The following RABEP1 variants were observed in gnomAD, a reference collection of about 807,000 sequenced individuals.
RABEP1 encodes rab GTPase-binding effector protein 1.
Under a neutral mutation model 123.4 loss-of-function variants are expected in RABEP1, and 51 were observed. The ratio of observed to expected loss-of-function variants is 0.41; its 90% CI spans 0.33 to 0.52. The LOEUF (loss-of-function observed/expected upper bound fraction) is 0.52. Among genes scored for constraint, RABEP1 ranks in the 20% least tolerant of loss-of-function variants. RABEP1 has a pLI of 0.16. For synonymous variants in RABEP1, 347 were observed against 355.2 expected (o/e 0.98, Z 0.26); for missense variants, 888 against 996.3 (o/e 0.89, Z 1.46).
chr17:5,380,862 G>A (rs1437494285), intron 16 of RABEP1, among the ~76,000 whole-genome samples: 1 of 152,228 alleles, frequency 6.6e-6, no homozygotes, highest in Non-Finnish European at 1.5e-5. Flanking sequence ...TGTTGTGGGG[G>A]TAGTTTCCTA....
intron 11 of RABEP1, among the ~76,000 whole-genome samples, chr17:5,366,230 C>T (rs1472444076): frequency 2.0e-5 from 3 of 152,160 alleles, no homozygotes; most frequent in Admixed American, 6.5e-5. Flanking sequence ...TCTCTAATGA[C>T]CACTGAAGTT....
intron 1 of RABEP1, among the ~76,000 whole-genome samples, chr17:5,296,946 T>C (rs1308784468): frequency 6.6e-6 from 1 of 151,980 alleles, no homozygotes; most frequent in Non-Finnish European, 1.5e-5. Flanking sequence ...ACCATGTTGC[T>C]CAGACTGGTC....
At chr17:5,358,954 TTCTC>T (rs759047882) in intron 8 of RABEP1, among the ~76,000 whole-genome samples, 1 of 151,778 alleles carries the variant, frequency 6.6e-6, no homozygotes, top group African/African-American at 2.4e-5. Context: ...TAGAAAGGAG[TTCTC>T]TCTATGTTGC....
intron 1 of RABEP1, among the ~76,000 whole-genome samples, chr17:5,300,507 C>G (rs955628151): frequency 3.9e-5 from 6 of 152,132 alleles, no homozygotes; most frequent in African/African-American, 1.4e-4. Context: ...GTTTCTCTCT[C>G]TTTCTTGGGG....
intron 5 of RABEP1, among the ~76,000 whole-genome samples, chr17:5,342,572 C>T (rs1485210735): frequency 1.3e-5 from 2 of 152,206 alleles, no homozygotes; most frequent in Non-Finnish European, 1.5e-5. Flanking sequence ...TGCCACTGCA[C>T]TCCAGCCTGG....
chr17:5,359,409 C>T (rs1360207408), intron 8 of RABEP1, among the ~76,000 whole-genome samples: 1 of 152,156 alleles, frequency 6.6e-6, no homozygotes, highest in African/African-American at 2.4e-5. Flanking sequence ...CACAACTGTT[C>T]TATCCCTAGC....
At chr17:5,382,468 G>A (rs1196869899) in intron 17 of RABEP1, among the ~76,000 whole-genome samples, 1 of 151,500 alleles carries the variant, frequency 6.6e-6, no homozygotes, top group East Asian at 2.0e-4. Context: ...CCTAGTCTGG[G>A]CCAGGCATGG....
At position 5,340,808 on chromosome 17, in the gene RABEP1, C is replaced by T. The variant is rs1232043278; in HGVS notation, c.648+2670C>T. Among the ~76,000 whole-genome samples the T allele has an allele frequency of 4.6e-5, 7 of 151,512 alleles. No homozygotes were observed. The South Asian group carries it at 1.0e-3, about 23-fold the overall frequency. On this transcript the variant is annotated intron_variant, in intron 5 of 17. Coordinates refer to ENST00000537505, the MANE Select transcript of RABEP1 (RefSeq NM_004703.6). Reference sequence around the variant, plus strand: ...CTAAAAATGCAAAAAATTAGCTGGGCGTGGTGGCGGGCGCCTATAATCCCA... The same window carrying T: ...CTAAAAATGCAAAAAATTAGCTGGGTGTGGTGGCGGGCGCCTATAATCCCA...
Position 5,308,728 on chromosome 17 carries a change from A to C in RABEP1, c.69A>C (p.Lys23Asn). 1.9e-6 allele frequency: 3 copies of C among 1,612,756 alleles called. No individual in the cohort carries two copies. Among genetic ancestry groups the C allele is most frequent in the Non-Finnish European group, 2.5e-6 (3 of 1,179,546 alleles). ...AGCAACGGGTAGCAGAATTGGAAAA[A>C]ATTAATGCAGAATTTTTACGTGCAC... ...SLQQRVAELE[K>N]INAEFLRAQQ... is the part of the protein sequence containing the mutation. Residue 23 changes from lysine to asparagine, a missense_variant, in exon 2 of 18, where the codon AAA becomes AAC. By Grantham distance (94) the Lys-to-Asn change is moderately conservative (BLOSUM62 0). Coordinates refer to ENST00000537505, the MANE Select transcript of RABEP1 (RefSeq NM_004703.6).
At position 5,282,398 on chromosome 17, in the gene RABEP1, G is replaced by T; in HGVS notation, c.-89G>T. ...TCTGGGCGGCGGCGGCGGCGGCTCG[G>T]TTGACGCCTCCTCCGCCAGCTGAGC... On this transcript the variant is annotated 5_prime_UTR_variant, in exon 1 of 18. Coordinates refer to ENST00000537505, the MANE Select transcript of RABEP1 (RefSeq NM_004703.6). The T allele has an allele frequency of 9.1e-7, 1 of 1,103,402 alleles. No individual in the cohort carries two copies. The highest frequency in any genetic ancestry group is 1.2e-6 in the Non-Finnish European group (1 of 834,460). 68.4% of individuals were successfully genotyped at this position (1,103,402 alleles called of 1,614,324 possible).
rs527576737 is a variant in RABEP1, at chr17:5,284,527, G to A, written c.34+2007G>A. On this transcript the variant is annotated intron_variant, in intron 1 of 17. Transcript: ENST00000537505. Reference sequence around the variant, plus strand: ...GTTGCCCAGGCTGGAGAGCAGTGGCGCGATCTTGGCTCACTGCAGCCTCGA... The same window carrying A: ...GTTGCCCAGGCTGGAGAGCAGTGGCACGATCTTGGCTCACTGCAGCCTCGA... 7.9e-5 allele frequency among the ~76,000 whole-genome samples: 12 copies of A among 151,748 alleles called. No individual in the cohort carries two copies. The South Asian group carries it at 1.9e-3, about 24-fold the overall frequency.
chr17:5,319,037 A>G (rs1262310123), intron 2 of RABEP1, among the ~76,000 whole-genome samples: 1 of 152,156 alleles, frequency 6.6e-6, no homozygotes. Context: ...CTATTTTTCA[A>G]TTAAAAAGTT....
rs1239859996 is a variant in RABEP1 at position 5,361,693 on chromosome 17, C to A, written c.1563+18C>A. 1.3e-6 allele frequency: 2 copies of A among 1,571,844 alleles called. No homozygotes were observed. The highest frequency in any genetic ancestry group is 1.7e-6 in the Non-Finnish European group (2 of 1,157,454). ...AGAAAGAGGTGAGTTACCTTTCTCA[C>A]GTTTTTCCTCTTGCTCACGCTGAGG... On this transcript the variant is annotated intron_variant, in intron 9 of 17. Transcript: ENST00000537505.
chr17:5,377,815 C>T (rs1446813389), intron 14 of RABEP1, among the ~76,000 whole-genome samples: 3 of 152,140 alleles, frequency 2.0e-5, no homozygotes, highest in East Asian at 1.9e-4. Context: ...TGTAAGCCAA[C>T]GCGCCTGGCC....
Position 5,383,352 on chromosome 17 carries a change from A to ATTATTTAACT in RABEP1, c.*129_*130insTTATTTAACT. The ATTATTTAACT allele has an allele frequency of 1.3e-6, 1 of 759,660 alleles. No individual in the cohort carries two copies. Among genetic ancestry groups the ATTATTTAACT allele is most frequent in the Non-Finnish European group, 2.2e-6 (1 of 456,682 alleles). The allele number at this position is 759,660 out of a possible 1,614,324, so 47.1% of individuals were successfully genotyped here. On this transcript the variant is annotated 3_prime_UTR_variant, in exon 18 of 18. Transcript: ENST00000537505. ...CAAAAGGAAGACTGGAGAAATGCTT[A>ATTATTTAACT]CTTCTAGAGGGAGAAGACTGTGCGG...
intron 1 of RABEP1, among the ~76,000 whole-genome samples, chr17:5,287,688 G>C (rs186976276): frequency 1.3e-5 from 2 of 151,890 alleles, no homozygotes; most frequent in Admixed American, 1.3e-4. Context: ...GGGAGGCCTA[G>C]GTGGGTGGAT....
chr17:5,381,707 G>A, intron 17 of RABEP1: 1 of 858,762 alleles, frequency 1.2e-6, no homozygotes, highest in Non-Finnish European at 1.6e-6. Flanking sequence ...TTTTCTGTAT[G>A]CCTTGCCAAT....
intron 1 of RABEP1, among the ~76,000 whole-genome samples, chr17:5,304,032 C>T (rs2075158478): frequency 1.0e-5 from 1 of 96,470 alleles, no homozygotes; most frequent in Non-Finnish European, 2.6e-5. Context: ...GAAATTCCAT[C>T]TCAAAAAAAA....
At chr17:5,319,131 A>G (rs998000798) in intron 2 of RABEP1, among the ~76,000 whole-genome samples, 1 of 151,870 alleles carries the variant, frequency 6.6e-6, no homozygotes, top group African/African-American at 2.4e-5. Context: ...GGGGTTCCAG[A>G]CCATCCTGGC....
Sources: gnomAD v4.1 joint callset for allele counts (sites outside exome capture counted in the v4.1 genomes callset) on GRCh38, gnomAD v4.1.1 for gene constraint, MANE v1.5 for transcripts, NCBI Gene and HGNC (gene_info 2026-07-23, HGNC 2026-07-21) for gene names.